Variants in CDH13 observed in about 807,000 individuals in gnomAD.
CDH13 encodes the protein cadherin 13, also known as cadherin-13.
In CDH13, 24 loss-of-function variants were observed where a neutral mutation model predicts 63.8. The ratio of observed to expected loss-of-function variants is 0.38; its 90% CI spans 0.27 to 0.53. The LOEUF (loss-of-function observed/expected upper bound fraction) is 0.53. Ranked by LOEUF, CDH13 falls within the 20% of genes least tolerant of loss-of-function variation. The pLI is 0.85. For synonymous variants in CDH13, 503 were observed against 355.3 expected (o/e 1.42, Z -4.67); for missense variants, 1,049 against 903.1 (o/e 1.16, Z -2.07).
At chr16:83,429,861 G>C (rs770833342) in intron 6 of CDH13, among the ~76,000 whole-genome samples, 12 of 152,264 alleles carry the variant, frequency 7.9e-5, no homozygotes, top group African/African-American at 2.9e-4. Context: ...CAAGCTATCT[G>C]GAGCTTATTC....
At chr16:83,220,678 A>G (rs908136007) in intron 5 of CDH13, among the ~76,000 whole-genome samples, 6 of 151,408 alleles carry the variant, frequency 4.0e-5, no homozygotes, top group African/African-American at 1.4e-4. Flanking sequence ...AAAGAAAAAA[A>G]AAAAAGGAGA....
At chr16:82,927,303 A>C (rs962352338) in intron 2 of CDH13, among the ~76,000 whole-genome samples, 28 of 152,174 alleles carry the variant, frequency 1.8e-4, no homozygotes, top group Admixed American at 1.6e-3. Flanking sequence ...ACTCCTACTC[A>C]CGGAGAGTCA....
At chr16:83,433,526 A>G (rs1161625577) in intron 6 of CDH13, among the ~76,000 whole-genome samples, 1 of 152,208 alleles carries the variant, frequency 6.6e-6, no homozygotes, top group African/African-American at 2.4e-5. Context: ...AATTTTACCA[A>G]AGGCAGCTGG....
chr16:82,974,641 A>G (rs991642182), intron 2 of CDH13, among the ~76,000 whole-genome samples: 39 of 152,186 alleles, frequency 2.6e-4, no homozygotes, highest in Admixed American at 1.3e-4. Context: ...AAGTGGGCCC[A>G]GTATAATCAC....
intron 7 of CDH13, among the ~76,000 whole-genome samples, chr16:83,560,241 C>A (rs569154303): frequency 6.6e-6 from 1 of 152,286 alleles, no homozygotes; most frequent in Admixed American, 6.5e-5. Context: ...GGGCAAAATT[C>A]TTCTCTCTTA....
intron 2 of CDH13, among the ~76,000 whole-genome samples, chr16:82,925,226 G>T (rs1357458938): frequency 6.6e-6 from 1 of 152,158 alleles, no homozygotes; most frequent in Admixed American, 6.5e-5. Flanking sequence ...ATCAAAGAGG[G>T]AGGAGGTGAC....
At chr16:83,298,171 A>T (rs2048621898) in intron 5 of CDH13, among the ~76,000 whole-genome samples, 1 of 152,062 alleles carries the variant, frequency 6.6e-6, no homozygotes, top group Non-Finnish European at 1.5e-5. Flanking sequence ...TGAGCCCAAG[A>T]GGTCGAGGCT....
At chr16:82,976,891 T>C (rs768288919) in intron 2 of CDH13, among the ~76,000 whole-genome samples, 3 of 152,160 alleles carry the variant, frequency 2.0e-5, no homozygotes, top group East Asian at 1.9e-4. Context: ...AAGGGGATGA[T>C]GACATCTTCT....
At chr16:83,431,816 C>T (rs941660850) in intron 6 of CDH13, among the ~76,000 whole-genome samples, 4 of 152,136 alleles carry the variant, frequency 2.6e-5, no homozygotes, top group Admixed American at 6.5e-5. Context: ...AATCGCCTCC[C>T]GCCAGGCCCC....
chr16:83,207,753 T>C lies in CDH13; in HGVS notation c.484-9592T>C, dbSNP rs1297346679. Among the ~76,000 whole-genome samples, 12 of 133,874 alleles carry C rather than the reference T, an allele frequency of 9.0e-5. 1 individual carries two copies. The highest frequency in any genetic ancestry group is 8.9e-4 in the Admixed American group (12 of 13,528). 87.8% of individuals were successfully genotyped at this position (133,874 alleles called of 152,430 possible). A position where few individuals can be genotyped will look rare whatever the true frequency, so the allele number is the denominator to read the frequency against. On this transcript the variant is annotated intron_variant, in intron 4 of 13. Coordinates refer to ENST00000567109, the MANE Select transcript of CDH13 (RefSeq NM_001257.5). The stretch of plus-strand genomic sequence containing the variant: ...CTGCAAATACTTAGAAATTAACAAA[T>C]ACTCTCCTTAAAAAAAAAAAAAAAA...
intron 3 of CDH13, among the ~76,000 whole-genome samples, chr16:83,115,044 G>A (rs1021535397): frequency 9.2e-5 from 14 of 152,182 alleles, no homozygotes; most frequent in African/African-American, 2.9e-4. Flanking sequence ...TTCTCTCTGG[G>A]AAAATGTTAA....
At chr16:83,297,627 G>T (rs2089633531) in intron 5 of CDH13, among the ~76,000 whole-genome samples, 1 of 152,152 alleles carries the variant, frequency 6.6e-6, no homozygotes, top group African/African-American at 2.4e-5. Flanking sequence ...TTGCCAAAAT[G>T]TTGGAAAGAG....
intron 8 of CDH13, among the ~76,000 whole-genome samples, chr16:83,636,259 G>C (rs1283801859): frequency 1.3e-5 from 2 of 152,120 alleles, no homozygotes; most frequent in Non-Finnish European, 2.9e-5. Context: ...TGAGTCCTCT[G>C]CTTTATTCTT....
At chr16:83,480,344 A>C (rs2073729752) in intron 6 of CDH13, among the ~76,000 whole-genome samples, 1 of 152,202 alleles carries the variant, frequency 6.6e-6, no homozygotes, top group Admixed American at 6.5e-5. Context: ...TTGGGGCTTA[A>C]CTGCCCAGAG....
At chr16:83,235,895 A>G (rs1007539616) in intron 5 of CDH13, among the ~76,000 whole-genome samples, 1 of 152,130 alleles carries the variant, frequency 6.6e-6, no homozygotes, top group African/African-American at 2.4e-5. Context: ...GTGTGCTATG[A>G]AGTGCTAAAG....
chr16:82,744,979 G>T (rs1294234066), intron 1 of CDH13, among the ~76,000 whole-genome samples: 1 of 152,178 alleles, frequency 6.6e-6, no homozygotes, highest in Non-Finnish European at 1.5e-5. Flanking sequence ...CATTGACAGA[G>T]TCAATTCTTT....
intron 5 of CDH13, among the ~76,000 whole-genome samples, chr16:83,233,832 G>C (rs1483894849): frequency 6.6e-6 from 1 of 152,098 alleles, no homozygotes; most frequent in Non-Finnish European, 1.5e-5. Flanking sequence ...CATAGTCAAA[G>C]TTTCCAGACA....
chr16:83,209,278 G>A (rs932365520), intron 4 of CDH13, among the ~76,000 whole-genome samples: 5 of 152,228 alleles, frequency 3.3e-5, no homozygotes, highest in East Asian at 3.9e-4. Flanking sequence ...TGGATCTGCC[G>A]TCCATGTTCC....
At chr16:83,322,336 G>A (rs971843257) in intron 5 of CDH13, among the ~76,000 whole-genome samples, 4 of 152,198 alleles carry the variant, frequency 2.6e-5, no homozygotes, top group Non-Finnish European at 5.9e-5. Context: ...TGGTTATGGA[G>A]CAGCCAGAGA....
Sources: allele counts gnomAD v4.1 joint callset (sites outside exome capture counted in the v4.1 genomes callset), GRCh38; gene constraint gnomAD v4.1.1; transcripts MANE v1.5; gene names NCBI Gene and HGNC (gene_info 2026-07-23, HGNC 2026-07-21).